The following CUX2 variants were observed in gnomAD, a reference collection of about 807,000 sequenced individuals.
The protein encoded by CUX2 is homeobox protein cut-like 2.
In CUX2, 40 loss-of-function variants were observed where a neutral mutation model predicts 144.8. The observed-to-expected ratio is 0.28, with a 90% CI of 0.21 to 0.36. The LOEUF is 0.36. CUX2 is among the 10% of genes least tolerant of loss of function. CUX2 has a pLI of 1.00. For synonymous variants in CUX2, 827 were observed against 875.6 expected (o/e 0.94, Z 0.98); for missense variants, 1,615 against 1,994.0 (o/e 0.81, Z 3.62).
intron 1 of CUX2, among the ~76,000 whole-genome samples, chr12:111,201,615 G>A (rs532788208): frequency 2.3e-4 from 35 of 152,204 alleles, no homozygotes; most frequent in African/African-American, 7.9e-4. Context: ...CAAGGCTCTC[G>A]GAACCCTACC....
chr12:111,288,288 C>T (rs1885496319), intron 4 of CUX2, among the ~76,000 whole-genome samples: 1 of 152,066 alleles, frequency 6.6e-6, no homozygotes, highest in Admixed American at 6.6e-5. Context: ...CTTCTGCTTA[C>T]TCTGAGCTAA....
At position 111,280,203 on chromosome 12, in the gene CUX2, C is replaced by T. The variant is rs186352297; in HGVS notation, c.302-11215C>T. 1.8e-4 allele frequency among the ~76,000 whole-genome samples: 27 copies of T among 152,292 alleles called. 1 individual carries two copies. The East Asian group carries it at 4.2e-3, about 24-fold the overall frequency. On this transcript the variant is annotated intron_variant, in intron 4 of 21. Transcript: ENST00000261726. ...ACTTGGGAGTCTGAGGCAGGAGAATCGCTTGAACCCGGGAGACGGAGGTTG... is the reference window on the plus strand; with the variant it reads ...ACTTGGGAGTCTGAGGCAGGAGAATTGCTTGAACCCGGGAGACGGAGGTTG...
At chr12:111,122,629 G>C (rs1466150447) in intron 1 of CUX2, among the ~76,000 whole-genome samples, 1 of 152,190 alleles carries the variant, frequency 6.6e-6, no homozygotes. Flanking sequence ...TTGTTCTGTT[G>C]GCGTCTGCAA....
rs376129495 is a variant in CUX2, at chr12:111,034,270, C to T, written c.63+30C>T. ...GTGCGGGCAGCGCCGGCCGCGCGGCCGTGAGGAGCCCCCGGGCGCGCCCTG... is the reference window on the plus strand; with the variant it reads ...GTGCGGGCAGCGCCGGCCGCGCGGCTGTGAGGAGCCCCCGGGCGCGCCCTG... On this transcript the variant is annotated intron_variant, in intron 1 of 21. Coordinates refer to ENST00000261726, the MANE Select transcript of CUX2 (RefSeq NM_015267.4). The surrounding 1 kb of genome is among the most constrained non-coding windows in gnomAD (Gnocchi z 4.2). The T allele has an allele frequency of 2.2e-5, 28 of 1,302,152 alleles. No homozygotes were observed. The African/African-American group carries it at 2.2e-4, about 10-fold the overall frequency. 80.7% of individuals were successfully genotyped at this position (1,302,152 alleles called of 1,614,324 possible).
In CUX2 at chr12:111,289,113, A is replaced by G. The variant is rs1400376173; in HGVS notation, c.302-2305A>G. ...ACTCCAGCCTGGGCAACAGAGCCAG[A>G]TTCTGTCTCAAAAAAAGAAAAAAGG... On this transcript the variant is annotated intron_variant, in intron 4 of 21. Transcript: ENST00000261726. The surrounding 1 kb of genome is among the most constrained non-coding windows in gnomAD (Gnocchi z 4.1). 6.6e-6 allele frequency among the ~76,000 whole-genome samples: 1 copy of G among 152,180 alleles called. No homozygotes were observed. Among genetic ancestry groups the G allele is most frequent in the Non-Finnish European group, 1.5e-5 (1 of 68,024 alleles).
In CUX2 at chr12:111,348,278, G is replaced by C. The variant is rs6490073; in HGVS notation, c.4414G>C (p.Val1472Leu). The C allele has an allele frequency of 1, 1,613,653 of 1,613,654 alleles. 806,826 individuals are homozygous for C. The highest frequency in any genetic ancestry group is 1 in the Middle Eastern group (6,062 of 6,062). ...MANLNNIIYR[V>L]ERAANREEAL... ...CAATCTGAACAACATCATTTACCGA[G>C]TAGAGCGGGCTGCCAATCGGGAGGA... Residue 1472 changes from valine to leucine, a missense_variant, in exon 22 of 22, where the codon GTA becomes CTA. Physicochemically the swap from Val to Leu is conservative, Grantham distance 32 (BLOSUM62 1). Around this residue, in one of 12 missense-constraint regions of CUX2, gnomAD observed 298 missense variants for 330.4 expected, o/e 0.90. Transcript: ENST00000261726.
intron 1 of CUX2, among the ~76,000 whole-genome samples, chr12:111,109,825 ACTT>A (rs758507262): frequency 4.2e-4 from 64 of 152,068 alleles, no homozygotes; most frequent in Non-Finnish European, 7.4e-4. Context: ...TACTTCTCCA[ACTT>A]CTTCATTTAG....
chr12:111,087,710 G>A (rs1872321694), intron 1 of CUX2, among the ~76,000 whole-genome samples: 1 of 152,162 alleles, frequency 6.6e-6, no homozygotes, highest in South Asian at 2.1e-4. Context: ...TCTCCTCAGT[G>A]CCTAGAACAG....
chr12:111,133,472 G>A (rs928168937), intron 1 of CUX2, among the ~76,000 whole-genome samples: 3 of 152,066 alleles, frequency 2.0e-5, no homozygotes, highest in African/African-American at 7.2e-5. Context: ...AAGCAAAAAC[G>A]GAAACCCCTG....
At chr12:111,048,103 G>A (rs1218666921) in intron 1 of CUX2, among the ~76,000 whole-genome samples, 1 of 152,212 alleles carries the variant, frequency 6.6e-6, no homozygotes, top group African/African-American at 2.4e-5. Flanking sequence ...TACTGCTCAC[G>A]CAGGCCCTTT....
chr12:111,212,038 G>A (rs1881265038), intron 1 of CUX2, among the ~76,000 whole-genome samples: 1 of 152,196 alleles, frequency 6.6e-6, no homozygotes, highest in Non-Finnish European at 1.5e-5. Context: ...GGAGTACGCT[G>A]CTGCAACTCA....
intron 20 of CUX2, among the ~76,000 whole-genome samples, chr12:111,339,931 C>A (rs986521439): frequency 2.0e-5 from 3 of 152,210 alleles, no homozygotes; most frequent in Non-Finnish European, 4.4e-5. Flanking sequence ...TGTGGTGGCT[C>A]ACACCTGTAA....
chr12:111,298,792 G>C (rs1886144061), intron 9 of CUX2, among the ~76,000 whole-genome samples: 1 of 152,168 alleles, frequency 6.6e-6, no homozygotes, highest in African/African-American at 2.4e-5. Flanking sequence ...GCCCAGGGTA[G>C]GGGGTTGGGG....
At chr12:111,139,740 T>TGA (rs1213660894) in intron 1 of CUX2, among the ~76,000 whole-genome samples, 2 of 152,224 alleles carry the variant, frequency 1.3e-5, no homozygotes, top group Non-Finnish European at 2.9e-5. Flanking sequence ...TCCATGGGGC[T>TGA]GAGCTTCCCA....
Position 111,328,941 on chromosome 12 carries a change from A to ATCTCTCCCTCTCTC in CUX2, c.2927-5494_2927-5493insCCTCTCTCTCTCTC, listed in dbSNP as rs1887949182. Reference sequence around the variant, plus strand: ...CACTCTGCATTTTTTTGATTCACCTATCTCTCTCTCTCTCTCTCTCTCTCT... The same window carrying ATCTCTCCCTCTCTC: ...CACTCTGCATTTTTTTGATTCACCTATCTCTCCCTCTCTCTCTCTCTCTCTCTCTCTCTCTCTCT... On this transcript the variant is annotated intron_variant, in intron 18 of 21. Coordinates refer to ENST00000261726, the MANE Select transcript of CUX2 (RefSeq NM_015267.4). Among the ~76,000 whole-genome samples the ATCTCTCCCTCTCTC allele has an allele frequency of 1.6e-3, 46 of 28,992 alleles. 3 individuals carry two copies. Among genetic ancestry groups the ATCTCTCCCTCTCTC allele is most frequent in the African/African-American group, 0.012 (45 of 3,772 alleles). 19.0% of individuals were successfully genotyped at this position (28,992 alleles called of 152,430 possible). A position where few individuals can be genotyped will look rare whatever the true frequency, so the allele number is the denominator to read the frequency against.
At position 111,208,826 on chromosome 12, in the gene CUX2, T is replaced by C. The variant is rs541306554; in HGVS notation, c.64-5374T>C. Reference sequence around the variant, plus strand: ...CTGTAGGGGACTGCATTAACACCCCTCCAGCACTTGCTAACCTTTTATAAC... The same window carrying C: ...CTGTAGGGGACTGCATTAACACCCCCCCAGCACTTGCTAACCTTTTATAAC... On this transcript the variant is annotated intron_variant, in intron 1 of 21. Transcript: ENST00000261726. Among the ~76,000 whole-genome samples the C allele has an allele frequency of 4.3e-4, 66 of 152,310 alleles. 2 individuals carry two copies. The highest frequency in any genetic ancestry group is 5.8e-4 in the East Asian group (3 of 5,186).
intron 3 of CUX2, among the ~76,000 whole-genome samples, chr12:111,226,893 T>G (rs1273537810): frequency 1.3e-5 from 2 of 152,218 alleles, no homozygotes; most frequent in African/African-American, 4.8e-5. Flanking sequence ...TTTACAAGGC[T>G]TTTAATGGAC....
In CUX2 at chr12:111,052,713, CTTTG is replaced by C. The variant is rs557875295; in HGVS notation, c.63+18477_63+18480del. ...TCTGTGTGTGTGTGTCAGTGCGTGT[CTTTG>C]TTTATTTGTGCACCTTAGTATGTCT... On this transcript the variant is annotated intron_variant, in intron 1 of 21. Transcript: ENST00000261726. Among the ~76,000 whole-genome samples the C allele has an allele frequency of 1.2e-4, 18 of 152,078 alleles. No homozygotes were observed. The East Asian group carries it at 1.4e-3, about 11-fold the overall frequency.
intron 4 of CUX2, among the ~76,000 whole-genome samples, chr12:111,286,188 TGGTGTGCTGCCTTGTCTAGG>T (rs1885370330): frequency 1.3e-5 from 2 of 152,188 alleles, no homozygotes; most frequent in South Asian, 4.1e-4. Context: ...TGCCAGCACC[TGGTGTGCTGCCTTGTCTAGG>T]GGTGATGAAA....
Sources: gnomAD v4.1 joint callset for allele counts (sites outside exome capture counted in the v4.1 genomes callset) on GRCh38, gnomAD v4.1.1 for gene constraint, gnomAD v4.1.1 regional missense constraint, Gnocchi (gnomAD v3.1) non-coding constraint, MANE v1.5 for transcripts, NCBI Gene and HGNC (gene_info 2026-07-23, HGNC 2026-07-21) for gene names.